SRGAP2C: variants seen among roughly 807,000 people sequenced by gnomAD.
The protein encoded by SRGAP2C is SLIT-ROBO Rho GTPase activating protein 2C.
In SRGAP2C, 15 loss-of-function variants were observed where a neutral mutation model predicts 25.1. The observed-to-expected ratio is 0.60, with a 90% CI of 0.40 to 0.92. The LOEUF is 0.92. Ranked by LOEUF, SRGAP2C falls within the 40% of genes least tolerant of loss-of-function variation. The pLI, the probability that SRGAP2C is intolerant of heterozygous loss-of-function variation, is 0.00. For synonymous variants in SRGAP2C, 44 were observed against 96.6 expected, an observed-to-expected ratio of 0.46 and a Z score of 3.19; for missense variants, 144 against 264.4, an observed-to-expected ratio of 0.54 and a Z score of 3.16.
intron 2 of SRGAP2C, among the ~76,000 whole-genome samples, chr1:121,212,642 T>A (rs1553324036): frequency 6.6e-6 from 1 of 152,168 alleles, no homozygotes. Flanking sequence ...CTTGAAATAA[T>A]CTGGAAGAGT....
At chr1:121,347,634 A>T (rs1658780548) in intron 4 of SRGAP2C, among the ~76,000 whole-genome samples, 2 of 152,366 alleles carry the variant, frequency 1.3e-5, no homozygotes, top group South Asian at 4.1e-4. Flanking sequence ...CCCTAATGCC[A>T]GGAGGAATGC....
Position 121,208,325 on chromosome 1 carries a change from C to T in SRGAP2C, c.67+20812C>T, listed in dbSNP as rs200804641. On this transcript the variant is annotated intron_variant, in intron 2 of 9. Transcript: ENST00000367123. ...GTGTTACAGTGAACCCCTTTTGCAC[C>T]GCCCCAAGTTCAGGTTGCCCTTACA... 2.2e-4 allele frequency among the ~76,000 whole-genome samples: 33 copies of T among 151,872 alleles called. 2 individuals carry two copies. The East Asian group carries it at 6.2e-3, about 29-fold the overall frequency.
intron 2 of SRGAP2C, among the ~76,000 whole-genome samples, chr1:121,264,572 A>G (rs1656717262): frequency 7.2e-6 from 1 of 138,774 alleles, no homozygotes; most frequent in African/African-American, 2.7e-5. Flanking sequence ...GGTTCCTTGC[A>G]TGCAGCTTCT....
rs587676726 is a variant in SRGAP2C at position 121,188,122 on chromosome 1, C to T, written c.67+609C>T. Among the ~76,000 whole-genome samples the T allele has an allele frequency of 4.6e-5, 7 of 152,316 alleles. No individual in the cohort carries two copies. In the South Asian group the frequency reaches 1.5e-3, roughly 32 times the overall value. On this transcript the variant is annotated intron_variant, in intron 2 of 9. Coordinates refer to ENST00000367123, the MANE Select transcript of SRGAP2C (RefSeq NM_001329984.2). Reference sequence around the variant, plus strand: ...ATCAGAGAATAAGGCCACCCACACCCGGTCTCCGCCCTCACCTAAATCTGA... The same window carrying T: ...ATCAGAGAATAAGGCCACCCACACCTGGTCTCCGCCCTCACCTAAATCTGA...
intron 5 of SRGAP2C, among the ~76,000 whole-genome samples, chr1:121,367,122 C>T (rs1446008972): frequency 1.3e-5 from 2 of 151,878 alleles, no homozygotes; most frequent in Non-Finnish European, 2.9e-5. Flanking sequence ...AGCATAACAT[C>T]TTCCCATTGA....
intron 5 of SRGAP2C, among the ~76,000 whole-genome samples, chr1:121,370,567 G>A (rs1436917178): frequency 4.1e-5 from 6 of 145,324 alleles, no homozygotes; most frequent in Admixed American, 1.4e-4. Context: ...TCAGCCTCCC[G>A]AGTAGCTGGG....
At chr1:121,367,535 C>T (rs1553349765) in intron 5 of SRGAP2C, among the ~76,000 whole-genome samples, 1 of 151,880 alleles carries the variant, frequency 6.6e-6, no homozygotes, top group African/African-American at 2.4e-5. Flanking sequence ...AATCTTCTGA[C>T]CCACAAGATT....
intron 2 of SRGAP2C, among the ~76,000 whole-genome samples, chr1:121,227,675 GCCTAGTAAGGA>G (rs1553326776): frequency 1.4e-5 from 2 of 147,766 alleles, no homozygotes; most frequent in Non-Finnish European, 3.0e-5. Context: ...AAGGTGACAT[GCCTAGTAAGGA>G]CCTGGCACGT....
intron 2 of SRGAP2C, among the ~76,000 whole-genome samples, chr1:121,268,546 A>G (rs1233592297): frequency 7.5e-5 from 11 of 147,370 alleles, no homozygotes; most frequent in Non-Finnish European, 1.7e-4. Context: ...AATTCAGAAC[A>G]AAATGAGGCT....
intron 2 of SRGAP2C, among the ~76,000 whole-genome samples, chr1:121,239,229 C>A (rs1371458854): frequency 5.9e-3 from 6 of 1,022 alleles, no homozygotes; most frequent in African/African-American, 9.8e-3. Flanking sequence ...TATATATATA[C>A]TATATATATA....
chr1:121,221,811 A>G (rs1655531254), intron 2 of SRGAP2C, among the ~76,000 whole-genome samples: 1 of 141,622 alleles, frequency 7.1e-6, no homozygotes, highest in Non-Finnish European at 1.5e-5. Context: ...TAGACTAGGG[A>G]GAGAATTTTG....
intron 2 of SRGAP2C, among the ~76,000 whole-genome samples, chr1:121,208,927 G>A (rs1306183892): frequency 5.1e-4 from 75 of 146,650 alleles, no homozygotes; most frequent in Non-Finnish European, 8.3e-4. Flanking sequence ...ACCTATTTAC[G>A]CATAGTTGAG....
chr1:121,336,815 T>C (rs1658522791), intron 4 of SRGAP2C, among the ~76,000 whole-genome samples: 1 of 54,080 alleles, frequency 1.8e-5, no homozygotes, highest in African/African-American at 6.8e-5. Flanking sequence ...ATGCACACAG[T>C]TTTATGTCCC....
At chr1:121,201,223 G>A in intron 2 of SRGAP2C, among the ~76,000 whole-genome samples, 1 of 118,142 alleles carries the variant, frequency 8.5e-6, no homozygotes, top group South Asian at 3.2e-4. Flanking sequence ...GAAGCATTTT[G>A]GGTAGATGAC....
rs1159869147 is a variant in SRGAP2C, at chr1:121,249,567, TATATATATATATA to T, written c.68-35235_68-35223del. Reference sequence around the variant, plus strand: ...TGGACTATATATATATATATATATATATATATATATATATTTTTTTTTTTTTTTTTTAAATTAT... The same window carrying T: ...TGGACTATATATATATATATATATATTTTTTTTTTTTTTTTTTTAAATTAT... On this transcript the variant is annotated intron_variant, in intron 2 of 9. Transcript: ENST00000367123. 8.2e-4 allele frequency among the ~76,000 whole-genome samples: 27 copies of T among 32,800 alleles called. 1 individual carries two copies. The highest frequency in any genetic ancestry group is 2.1e-3 in the African/African-American group (16 of 7,746). 21.5% of individuals were successfully genotyped at this position (32,800 alleles called of 152,430 possible).
chr1:121,300,332 G>A (rs1657676819), intron 3 of SRGAP2C, among the ~76,000 whole-genome samples: 1 of 97,648 alleles, frequency 1.0e-5, no homozygotes, highest in Non-Finnish European at 2.2e-5. Flanking sequence ...GCACCGGGGA[G>A]CCAGCATGTC....
intron 2 of SRGAP2C, among the ~76,000 whole-genome samples, chr1:121,198,060 T>C (rs1213418073): frequency 3.0e-5 from 1 of 33,546 alleles, no homozygotes; most frequent in African/African-American, 1.2e-4. Flanking sequence ...CTTTGGTAAA[T>C]GGGGAAGGAG....
At chr1:121,238,328 C>T (rs1473081745) in intron 2 of SRGAP2C, among the ~76,000 whole-genome samples, 2 of 151,640 alleles carry the variant, frequency 1.3e-5, no homozygotes, top group Non-Finnish European at 2.9e-5. Flanking sequence ...ACATTAGAAT[C>T]GTGCATTGTG....
intron 4 of SRGAP2C, among the ~76,000 whole-genome samples, chr1:121,339,252 CTTTTTTTT>C (rs1185472819): frequency 1.1e-5 from 1 of 89,636 alleles, no homozygotes; most frequent in Non-Finnish European, 2.1e-5. Context: ...GCTATGTTGT[CTTTTTTTT>C]TTTTTTTTTT....
Sources: gnomAD v4.1 joint callset for allele counts (sites outside exome capture counted in the v4.1 genomes callset) on GRCh38, gnomAD v4.1.1 for gene constraint, MANE v1.5 for transcripts, NCBI Gene and HGNC (gene_info 2026-07-23, HGNC 2026-07-21) for gene names.